ZBTB20: variants seen among roughly 807,000 people sequenced by gnomAD.
ZBTB20 encodes the protein zinc finger and BTB domain-containing protein 20.
In ZBTB20, 9 loss-of-function variants were observed where a neutral mutation model predicts 56.9. The observed-to-expected ratio is 0.16, with a 90% CI of 0.10 to 0.28. ZBTB20 has a LOEUF of 0.28. Among genes scored for constraint, ZBTB20 ranks in the 10% least tolerant of loss-of-function variants. The pLI is 1.00. For missense variants in ZBTB20, 655 were observed against 1,003.0 expected (o/e 0.65, Z 4.69); for synonymous variants, 417 against 420.7 (o/e 0.99, Z 0.11).
intron 4 of ZBTB20, among the ~76,000 whole-genome samples, chr3:114,828,789 A>C (rs190750259): frequency 0.012 from 1,754 of 151,990 alleles, 17 homozygotes; most frequent in South Asian, 0.042. Context: ...AAGTCTTTGA[A>C]GGCACTTCCA....
At chr3:114,740,256 A>AT (rs1474665571) in intron 5 of ZBTB20, among the ~76,000 whole-genome samples, 1 of 152,226 alleles carries the variant, frequency 6.6e-6, no homozygotes, top group Non-Finnish European at 1.5e-5. Flanking sequence ...TTTAAATAAA[A>AT]TGATGGAAAA....
intron 7 of ZBTB20, among the ~76,000 whole-genome samples, chr3:114,444,733 G>T (rs2091159172): frequency 6.6e-6 from 1 of 151,698 alleles, no homozygotes; most frequent in Non-Finnish European, 1.5e-5. Flanking sequence ...AATTTTTTTT[G>T]ATAAAAATAA....
intron 6 of ZBTB20, among the ~76,000 whole-genome samples, chr3:114,576,984 T>C (rs1415243755): frequency 6.6e-6 from 1 of 152,178 alleles, no homozygotes; most frequent in Non-Finnish European, 1.5e-5. Context: ...AACCATAGGA[T>C]AGCAGTTTAA....
chr3:115,036,842 T>A (rs892771285), intron 2 of ZBTB20, among the ~76,000 whole-genome samples: 1 of 151,986 alleles, frequency 6.6e-6, no homozygotes, highest in Admixed American at 6.6e-5. Flanking sequence ...GACTGAAAAA[T>A]ATATATATCC....
intron 7 of ZBTB20, among the ~76,000 whole-genome samples, chr3:114,393,962 T>C (rs1472324085): frequency 1.3e-5 from 2 of 152,160 alleles, no homozygotes; most frequent in East Asian, 1.9e-4. Flanking sequence ...CTGCCACATA[T>C]CAATGTAAGG....
At chr3:114,589,941 A>G (rs1445905949) in intron 6 of ZBTB20, among the ~76,000 whole-genome samples, 2 of 152,194 alleles carry the variant, frequency 1.3e-5, no homozygotes, top group East Asian at 1.9e-4. Flanking sequence ...AAATACCACC[A>G]ACACATGTTA....
At chr3:114,436,949 C>T (rs545838486) in intron 7 of ZBTB20, among the ~76,000 whole-genome samples, 41 of 152,290 alleles carry the variant, frequency 2.7e-4, no homozygotes, top group African/African-American at 9.1e-4. Flanking sequence ...AAAGGTTTTC[C>T]AGCACTTCTT....
In ZBTB20 at chr3:114,640,472, T is replaced by C. The variant is rs558918781; in HGVS notation, c.-295+53056A>G. Among the ~76,000 whole-genome samples, 27 of 152,204 alleles carry C rather than the reference T, an allele frequency of 1.8e-4. 1 individual carries two copies. In the South Asian group the frequency reaches 5.6e-3, roughly 32 times the overall value. ...CAAGTTATAGGTAACATACAAGGAT[T>C]TTCATTCTGCTGGACTTTTTCATTC... is the stretch of plus-strand genomic sequence containing the variant. On this transcript the variant is annotated intron_variant, in intron 6 of 11. Coordinates refer to ENST00000675478, the MANE Select transcript of ZBTB20 (RefSeq NM_001348800.3).
intron 6 of ZBTB20, among the ~76,000 whole-genome samples, chr3:114,542,823 T>C (rs1052615226): frequency 6.6e-6 from 1 of 152,144 alleles, no homozygotes; most frequent in African/African-American, 2.4e-5. Flanking sequence ...ACCTATTCTT[T>C]AATAGCTTTC....
intron 6 of ZBTB20, among the ~76,000 whole-genome samples, chr3:114,628,103 A>G (rs2058743645): frequency 6.6e-6 from 1 of 152,160 alleles, no homozygotes; most frequent in African/African-American, 2.4e-5. Flanking sequence ...CTATGGTTCT[A>G]TAGCTCATTT....
chr3:115,091,992 C>T (rs2083213777), intron 1 of ZBTB20, among the ~76,000 whole-genome samples: 1 of 151,974 alleles, frequency 6.6e-6, no homozygotes, highest in Non-Finnish European at 1.5e-5. Flanking sequence ...CTGAAATGAC[C>T]GAGCTTAAGT....
At chr3:114,799,580 C>G (rs1578920856) in intron 5 of ZBTB20, among the ~76,000 whole-genome samples, 1 of 151,910 alleles carries the variant, frequency 6.6e-6, no homozygotes, top group East Asian at 1.9e-4. Flanking sequence ...CTAATAGCAG[C>G]TATTTCATGA....
At chr3:114,957,522 G>T (rs1220371424) in intron 3 of ZBTB20, among the ~76,000 whole-genome samples, 1 of 152,142 alleles carries the variant, frequency 6.6e-6, no homozygotes, top group African/African-American at 2.4e-5. Context: ...CTGCCGTAAA[G>T]AACATCTATC....
intron 7 of ZBTB20, among the ~76,000 whole-genome samples, chr3:114,461,223 T>A (rs966752025): frequency 2.6e-5 from 4 of 151,964 alleles, no homozygotes; most frequent in Non-Finnish European, 5.9e-5. Context: ...CATTTTTTTC[T>A]GAGCTTTCTT....
chr3:114,690,544 A>T (rs1375951625), intron 6 of ZBTB20, among the ~76,000 whole-genome samples: 1 of 152,148 alleles, frequency 6.6e-6, no homozygotes, highest in Non-Finnish European at 1.5e-5. Flanking sequence ...TGTGTAAAGG[A>T]TCTAGGCTAG....
chr3:114,701,809 T>C lies in ZBTB20; in HGVS notation c.-342-8234A>G, dbSNP rs1007818965. Among the ~76,000 whole-genome samples, 5 of 151,694 alleles carry C rather than the reference T, an allele frequency of 3.3e-5. No individual in the cohort carries two copies. The East Asian group carries it at 9.7e-4, about 30-fold the overall frequency. ...GCTACCTCATGCTCCAAGTAGGAGG[T>C]AGAAAGGGTAAATGACTCCTAAAAA... On this transcript the variant is annotated intron_variant, in intron 5 of 11. Transcript: ENST00000675478.
intron 6 of ZBTB20, among the ~76,000 whole-genome samples, chr3:114,644,976 T>G (rs1296541138): frequency 6.6e-6 from 1 of 151,996 alleles, no homozygotes; most frequent in Admixed American, 6.6e-5. Flanking sequence ...TAATGTATAG[T>G]CCCTAAGGAT....
At chr3:114,768,908 A>G (rs1372235216) in intron 5 of ZBTB20, among the ~76,000 whole-genome samples, 1 of 152,196 alleles carries the variant, frequency 6.6e-6, no homozygotes, top group Non-Finnish European at 1.5e-5. Context: ...CAGTACTCAA[A>G]AAGTATTCAT....
At chr3:115,093,776 AGT>A (rs1160200712) in intron 1 of ZBTB20, among the ~76,000 whole-genome samples, 1 of 152,182 alleles carries the variant, frequency 6.6e-6, no homozygotes, top group Non-Finnish European at 1.5e-5. Flanking sequence ...GAAACCTGGC[AGT>A]GGATGTTCTA....
Sources: allele counts gnomAD v4.1 joint callset (sites outside exome capture counted in the v4.1 genomes callset), GRCh38; gene constraint gnomAD v4.1.1; transcripts MANE v1.5; gene names NCBI Gene and HGNC (gene_info 2026-07-23, HGNC 2026-07-21).